The following LHCGR variants were observed in gnomAD, a reference collection of about 807,000 sequenced individuals.
LHCGR encodes luteinizing hormone/choriogonadotropin receptor, also known as lutropin-choriogonadotropic hormone receptor.
Under a neutral mutation model 60.7 loss-of-function variants are expected in LHCGR, and 55 were observed. The ratio of observed to expected loss-of-function variants is 0.91; its 90% CI spans 0.73 to 1.13. The LOEUF is 1.13. Ranked by LOEUF, LHCGR falls within the 50% of genes most tolerant of loss-of-function variation. The pLI is 0.00. For synonymous variants in LHCGR, 337 were observed against 316.5 expected, an observed-to-expected ratio of 1.06 and a Z score of -0.69; for missense variants, 862 against 836.0, an observed-to-expected ratio of 1.03 and a Z score of -0.38.
intron 2 of LHCGR, among the ~76,000 whole-genome samples, chr2:48,729,451 AG>A (rs1429933122): frequency 6.6e-6 from 1 of 152,190 alleles, no homozygotes; most frequent in Non-Finnish European, 1.5e-5. Context: ...TGCAAGTTTT[AG>A]TAGCCCCTGT....
At chr2:48,691,948 G>A (rs548936676) in intron 10 of LHCGR, among the ~76,000 whole-genome samples, 1 of 152,126 alleles carries the variant, frequency 6.6e-6, no homozygotes, top group Admixed American at 6.5e-5. Flanking sequence ...CTTGTCCAAG[G>A]TCTCTTGGGG....
At position 48,725,687 on chromosome 2, in the gene LHCGR, T is replaced by C; in HGVS notation, c.372A>G (p.Arg124=). 1 of 1,612,522 alleles carries C rather than the reference T, an allele frequency of 6.2e-7. No homozygotes were observed. The highest frequency in any genetic ancestry group is 8.5e-7 in the Non-Finnish European group (1 of 1,178,640). ...IEPGAFINLP[R]LKYLSICNTG... ...GGAAAATTTCTCACAAGTATTTTAA[T>C]CGGGGAAGATTTATAAATGCTCCGG... The change falls in exon 4 of 11, where the codon CGA becomes CGG. Residue 124 remains arginine, a synonymous_variant. Transcript: ENST00000294954.
chr2:48,734,768 AAAG>A (rs1669145640), intron 1 of LHCGR, among the ~76,000 whole-genome samples: 1 of 152,222 alleles, frequency 6.6e-6, no homozygotes, highest in Non-Finnish European at 1.5e-5. Flanking sequence ...CAGGGTCAAA[AAAG>A]GAATGAAAGC....
chr2:48,725,428 G>C (rs1164172795), intron 4 of LHCGR, among the ~76,000 whole-genome samples: 2 of 152,108 alleles, frequency 1.3e-5, no homozygotes, highest in African/African-American at 4.8e-5. Flanking sequence ...TCACTACAGA[G>C]GGGTGACGTT....
At chr2:48,716,247 C>G (rs1364164509) in intron 6 of LHCGR, among the ~76,000 whole-genome samples, 1 of 152,082 alleles carries the variant, frequency 6.6e-6, no homozygotes, top group Non-Finnish European at 1.5e-5. Context: ...TTACATCACA[C>G]CACAGGCCTT....
intron 10 of LHCGR, among the ~76,000 whole-genome samples, chr2:48,690,393 A>G (rs1680169956): frequency 6.6e-6 from 1 of 152,210 alleles, no homozygotes; most frequent in South Asian, 2.1e-4. Flanking sequence ...GTGTGCCTCA[A>G]GTTCTTTATT....
In LHCGR at chr2:48,744,505, C is replaced by T. The variant is rs1367410210; in HGVS notation, c.161+11006G>A. On this transcript the variant is annotated intron_variant, in intron 1 of 10. Coordinates refer to ENST00000294954, the MANE Select transcript of LHCGR (RefSeq NM_000233.4). ...CTGGTACCAAAACAGAGATATAGAT[C>T]AATGGAACAGAACTGAGCCCTCAGA... 1.9e-3 allele frequency among the ~76,000 whole-genome samples: 197 copies of T among 104,028 alleles called. 1 individual carries two copies. The highest frequency in any genetic ancestry group is 7.0e-3 in the African/African-American group (174 of 24,724). The allele number at this position is 104,028 out of a possible 152,430, so 68.2% of individuals were successfully genotyped here.
At chr2:48,707,412 C>A (rs1439018727) in intron 8 of LHCGR, among the ~76,000 whole-genome samples, 3 of 149,878 alleles carry the variant, frequency 2.0e-5, no homozygotes, top group Admixed American at 2.0e-4. Flanking sequence ...GTTATCAGAG[C>A]TTGAACACTG....
chr2:48,749,801 C>G (rs552321751), intron 1 of LHCGR, among the ~76,000 whole-genome samples: 13 of 151,572 alleles, frequency 8.6e-5, no homozygotes, highest in Admixed American at 8.5e-4. Context: ...CCAAAGAGAT[C>G]TGTGTGTGAA....
chr2:48,690,332 C>T (rs904167724), intron 10 of LHCGR, among the ~76,000 whole-genome samples: 2 of 152,174 alleles, frequency 1.3e-5, no homozygotes, highest in African/African-American at 4.8e-5. Context: ...GGATCCATTC[C>T]TAGCATGGCT....
intron 10 of LHCGR, among the ~76,000 whole-genome samples, chr2:48,691,801 G>A (rs926811817): frequency 4.0e-5 from 6 of 148,232 alleles, no homozygotes; most frequent in East Asian, 2.0e-4. Context: ...AGCTGAGATC[G>A]TGCCACTGCA....
intron 9 of LHCGR, among the ~76,000 whole-genome samples, chr2:48,696,457 A>G (rs994135393): frequency 1.3e-5 from 2 of 152,234 alleles, no homozygotes; most frequent in Non-Finnish European, 2.9e-5. Context: ...TAAGTTTCAA[A>G]TAGACTTATA....
chr2:48,727,544 C>CTG (rs1668790210), intron 3 of LHCGR, among the ~76,000 whole-genome samples: 1 of 152,218 alleles, frequency 6.6e-6, no homozygotes. Flanking sequence ...TTATCATTAG[C>CTG]TGCCCTGGTG....
chr2:48,727,226 G>A (rs1000496345), intron 3 of LHCGR, among the ~76,000 whole-genome samples: 1 of 151,798 alleles, frequency 6.6e-6, no homozygotes, highest in East Asian at 1.9e-4. Flanking sequence ...AGGAATTTGA[G>A]GTCGGTCTGG....
intron 10 of LHCGR, 65 bp downstream of exon 10, chr2:48,694,159 G>A (rs912052268): frequency 2.8e-5 from 26 of 945,290 alleles, no homozygotes; most frequent in Admixed American, 1.4e-4. Context: ...AATAATTGAT[G>A]CTGATAATAA....
intron 7 of LHCGR, among the ~76,000 whole-genome samples, chr2:48,713,446 G>A (rs1194072983): frequency 6.6e-6 from 1 of 152,120 alleles, no homozygotes; most frequent in Non-Finnish European, 1.5e-5. Context: ...AAACAGTAGC[G>A]ATGCTCTTCT....
At chr2:48,747,001 A>C (rs1572894917) in intron 1 of LHCGR, among the ~76,000 whole-genome samples, 1 of 152,296 alleles carries the variant, frequency 6.6e-6, no homozygotes, top group East Asian at 1.9e-4. Flanking sequence ...CTCTTTCCCA[A>C]CACTTAAAAA....
At chr2:48,730,886 T>C (rs892584850) in intron 2 of LHCGR, among the ~76,000 whole-genome samples, 6 of 152,228 alleles carry the variant, frequency 3.9e-5, no homozygotes, top group African/African-American at 1.4e-4. Context: ...ATGTGGGTGT[T>C]ATCTAAAAAT....
intron 1 of LHCGR, among the ~76,000 whole-genome samples, chr2:48,737,912 T>C (rs1422204019): frequency 6.6e-6 from 1 of 152,214 alleles, no homozygotes; most frequent in East Asian, 1.9e-4. Flanking sequence ...AATGACTTTT[T>C]TGAAACCACA....
Sources: gnomAD v4.1 joint callset for allele counts (sites outside exome capture counted in the v4.1 genomes callset) on GRCh38, gnomAD v4.1.1 for gene constraint, MANE v1.5 for transcripts, NCBI Gene and HGNC (gene_info 2026-07-23, HGNC 2026-07-21) for gene names.